Variants in CEP83 observed in about 807,000 individuals in gnomAD.
CEP83 encodes the protein centrosomal protein of 83 kDa.
In CEP83, 70 loss-of-function variants were observed where a neutral mutation model predicts 101.9. The observed-to-expected ratio is 0.69, with a 90% CI of 0.57 to 0.84. CEP83 has a LOEUF of 0.84. Ranked by LOEUF, CEP83 falls within the 40% of genes least tolerant of loss-of-function variation. The probability of loss-of-function intolerance (pLI) is 0.00; values close to 1 mark genes in which losing one functional copy is unlikely to be tolerated. For synonymous variants in CEP83, 264 were observed against 267.9 expected (o/e 0.99, Z 0.14); for missense variants, 715 against 787.2 (o/e 0.91, Z 1.10).
intron 11 of CEP83, among the ~76,000 whole-genome samples, chr12:94,355,512 A>C (rs1329350878): frequency 6.6e-6 from 1 of 152,230 alleles, no homozygotes; most frequent in Non-Finnish European, 1.5e-5. Context: ...AAAGAAAAAC[A>C]AGAACAAACA....
Position 94,369,972 on chromosome 12 carries a change from G to A in CEP83, c.998C>T (p.Ala333Val). The change falls in exon 9 of 17, where the codon GCT (alanine) becomes GTT (valine). Residue 333 changes from alanine (A) to valine (V), a missense_variant. By Grantham distance (64) the Ala-to-Val change is moderately conservative. Coordinates refer to ENST00000397809, the MANE Select transcript of CEP83 (RefSeq NM_016122.3). ...ITDIKLETAR[A>V]KSELERERNK... ...CCTTTCTCTTTCTAGCTCACTCTTA[G>A]CTCTTGCTGTCTCCAGTTTGATGTC... 6.2e-7 allele frequency: 1 copy of A among 1,610,804 alleles called. No individual in the cohort carries two copies. The highest frequency in any genetic ancestry group is 1.1e-5 in the South Asian group (1 of 90,842).
intron 6 of CEP83, among the ~76,000 whole-genome samples, chr12:94,391,101 C>T (rs983820732): frequency 2.0e-5 from 3 of 152,116 alleles, no homozygotes; most frequent in Non-Finnish European, 4.4e-5. Context: ...GGCAGGCCAA[C>T]ATTCAAATTC....
At chr12:94,384,152 A>G (rs1353139912) in intron 6 of CEP83, among the ~76,000 whole-genome samples, 1 of 151,992 alleles carries the variant, frequency 6.6e-6, no homozygotes, top group Non-Finnish European at 1.5e-5. Flanking sequence ...AAGTTCCTTC[A>G]TTTTCCTTCA....
At chr12:94,378,231 G>GC (rs1354632253) in intron 7 of CEP83, among the ~76,000 whole-genome samples, 1 of 152,086 alleles carries the variant, frequency 6.6e-6, no homozygotes, top group Non-Finnish European at 1.5e-5. Context: ...TTTTCATAAG[G>GC]CAATACCCGT....
rs2063218688 is a variant in CEP83 at position 94,400,967 on chromosome 12, A to G, written c.432T>C (p.Tyr144=). The G allele has an allele frequency of 2.1e-6, 3 of 1,416,694 alleles. No individual in the cohort carries two copies. The highest frequency in any genetic ancestry group is 2.8e-6 in the Non-Finnish European group (3 of 1,078,170). 87.8% of individuals were successfully genotyped at this position (1,416,694 alleles called of 1,614,324 possible). A position where few individuals can be genotyped will look rare whatever the true frequency, so the allele number is the denominator to read the frequency against. ...AGCGAAGCTTATTATATACAGCTCT[A>G]TACTTTTCTACCTCCTAAAGGGAGA... ...FRNLDEEVEK[Y]RAVYNKLRYE... is the part of the protein sequence containing the mutation. The change falls in exon 6 of 17, where the codon TAT becomes TAC. Residue 144 remains tyrosine, a synonymous_variant. Coordinates refer to ENST00000397809, the MANE Select transcript of CEP83 (RefSeq NM_016122.3).
chr12:94,387,910 T>C (rs1158249859), intron 6 of CEP83, among the ~76,000 whole-genome samples: 1 of 151,622 alleles, frequency 6.6e-6, no homozygotes, highest in Non-Finnish European at 1.5e-5. Context: ...GAATAGCTAT[T>C]ACTAAAAGGA....
At chr12:94,388,015 C>T (rs1337967136) in intron 6 of CEP83, among the ~76,000 whole-genome samples, 1 of 152,146 alleles carries the variant, frequency 6.6e-6, no homozygotes, top group Admixed American at 6.5e-5. Context: ...CTGTGGAAAA[C>T]AGTTTGGAGA....
intron 6 of CEP83, among the ~76,000 whole-genome samples, chr12:94,398,035 G>A (rs1453304442): frequency 6.6e-6 from 1 of 152,164 alleles, no homozygotes; most frequent in South Asian, 2.1e-4. Context: ...TATAGAATAC[G>A]AGTGGTGGAC....
At chr12:94,300,601 C>T in the CEP83 span, among the ~76,000 whole-genome samples, 2 of 152,100 alleles carry the variant, frequency 1.3e-5, no homozygotes, top group Non-Finnish European at 2.9e-5. Context: ...TATGTGAGAA[C>T]AAACTGTCAG....
intron 16 of CEP83, among the ~76,000 whole-genome samples, chr12:94,309,606 A>G (rs929227390): frequency 1.3e-5 from 2 of 152,190 alleles, no homozygotes; most frequent in African/African-American, 4.8e-5. Context: ...AGTAATTACT[A>G]TTAACATTAT....
chr12:94,332,390 A>C (rs2059262025), intron 13 of CEP83, among the ~76,000 whole-genome samples: 1 of 152,216 alleles, frequency 6.6e-6, no homozygotes, highest in African/African-American at 2.4e-5. Context: ...TTCTTACTAT[A>C]GGCAGTACTA....
intron 5 of CEP83, among the ~76,000 whole-genome samples, chr12:94,401,916 A>G (rs2063280536): frequency 1.3e-5 from 2 of 152,222 alleles, no homozygotes; most frequent in African/African-American, 4.8e-5. Context: ...CCATTATAAA[A>G]GACGATTCTA....
intron 12 of CEP83, among the ~76,000 whole-genome samples, chr12:94,334,367 T>C (rs2059366840): frequency 6.6e-6 from 1 of 152,156 alleles, no homozygotes; most frequent in Non-Finnish European, 1.5e-5. Flanking sequence ...AGAAGTCTAG[T>C]TACAGATTAA....
At chr12:94,411,983 A>G in intron 3 of CEP83, 136 bp from the exon 4 acceptor site, 1 of 736,858 alleles carries the variant, frequency 1.4e-6, no homozygotes, top group South Asian at 1.7e-5. Flanking sequence ...AGTATCTTTT[A>G]TTTACAGAGT....
At chr12:94,403,115 T>C in intron 5 of CEP83, 55 bp downstream of exon 5, 1 of 928,082 alleles carries the variant, frequency 1.1e-6, no homozygotes, top group Non-Finnish European at 1.7e-6. Flanking sequence ...ATGCTTTTCA[T>C]CAAGACTTTG....
Position 94,417,877 on chromosome 12 carries a change from A to C in CEP83, c.-101-5286T>G, listed in dbSNP as rs372732490. On this transcript the variant is annotated intron_variant, in intron 2 of 16. Coordinates refer to ENST00000397809, the MANE Select transcript of CEP83 (RefSeq NM_016122.3). ...AATGAAGATTTCAAACTGAATGAAAAAAGATAACAAGCCAACACTATGATG... is the reference window on the plus strand; with the variant it reads ...AATGAAGATTTCAAACTGAATGAAACAAGATAACAAGCCAACACTATGATG... Among the ~76,000 whole-genome samples, 15 of 152,332 alleles carry C rather than the reference A, an allele frequency of 9.8e-5. No homozygotes were observed. In the East Asian group the frequency reaches 2.5e-3, roughly 25 times the overall value.
chr12:94,410,280 T>C (rs1419248742), intron 4 of CEP83, among the ~76,000 whole-genome samples: 1 of 152,232 alleles, frequency 6.6e-6, no homozygotes, highest in African/African-American at 2.4e-5. Context: ...ATATTTACTA[T>C]GTGGAAAGTA....
the CEP83 span, among the ~76,000 whole-genome samples, chr12:94,266,509 G>A: frequency 2.0e-5 from 3 of 152,204 alleles, no homozygotes; most frequent in East Asian, 5.8e-4. Flanking sequence ...TGGAGTTTCC[G>A]ATGCAGTAAA....
At chr12:94,441,557 T>C (rs1395772734) in intron 1 of CEP83, among the ~76,000 whole-genome samples, 1 of 152,236 alleles carries the variant, frequency 6.6e-6, no homozygotes, top group Non-Finnish European at 1.5e-5. Context: ...GGAACACTTT[T>C]ACACTGCTGG....
Sources: allele counts gnomAD v4.1 joint callset (sites outside exome capture counted in the v4.1 genomes callset), GRCh38; gene constraint gnomAD v4.1.1; transcripts MANE v1.5; gene names NCBI Gene and HGNC (gene_info 2026-07-23, HGNC 2026-07-21).